COL26A1: variants seen among roughly 807,000 people sequenced by gnomAD.
COL26A1 encodes the protein collagen alpha-1(XXVI) chain.
A neutral mutation model predicts 59.3 loss-of-function variants in COL26A1; 41 were observed. The ratio of observed to expected loss-of-function variants is 0.69; its 90% confidence interval spans 0.54 to 0.90. COL26A1 has a LOEUF of 0.90. Ranked by LOEUF, COL26A1 falls within the 40% of genes least tolerant of loss-of-function variation. The pLI is 0.00. For synonymous variants in COL26A1, 266 were observed against 256.0 expected, an observed-to-expected ratio of 1.04 and a Z score of -0.37; for missense variants, 612 against 602.3, an observed-to-expected ratio of 1.02 and a Z score of -0.17.
rs188946242 is a variant in COL26A1, at chr7:101,402,228, G to A, written c.159-17749G>A. Among the ~76,000 whole-genome samples, 562 of 152,274 alleles carry A rather than the reference G, an allele frequency of 3.7e-3. 5 individuals are homozygous for A. The highest frequency in any genetic ancestry group is 0.013 in the African/African-American group (521 of 41,568). On this transcript the variant is annotated intron_variant, in intron 1 of 12. Coordinates refer to ENST00000313669, the MANE Select transcript of COL26A1 (RefSeq NM_001278563.3). Reference sequence around the variant, plus strand: ...AGACTCGCTGGGCTGTGATGTGATCGTGTCGGATGCCAAATTCCACAGTCA... The same window carrying A: ...AGACTCGCTGGGCTGTGATGTGATCATGTCGGATGCCAAATTCCACAGTCA...
chr7:101,362,792 TAACA>T, upstream of COL26A1: 1 of 521,086 alleles, frequency 1.9e-6, no homozygotes, highest in South Asian at 2.4e-5. Flanking sequence ...CGCCGAGGGT[TAACA>T]AAAAAGCCCC....
chr7:101,517,267 T>C (rs904471601), intron 3 of COL26A1, among the ~76,000 whole-genome samples: 2 of 152,200 alleles, frequency 1.3e-5, no homozygotes, highest in Non-Finnish European at 2.9e-5. Context: ...TGTTCCTCCG[T>C]TGGGTGTCTA....
intron 1 of COL26A1, among the ~76,000 whole-genome samples, chr7:101,366,607 C>G (rs935162061): frequency 1.3e-5 from 2 of 150,190 alleles, no homozygotes; most frequent in Admixed American, 6.7e-5. Flanking sequence ...TTCAAGCAAT[C>G]CTCCCACCTC....
At chr7:101,373,511 G>GTGAATGAATGAACACA (rs1791240258) in intron 1 of COL26A1, among the ~76,000 whole-genome samples, 1 of 128,282 alleles carries the variant, frequency 7.8e-6, no homozygotes, top group South Asian at 2.4e-4. Context: ...AGTTTGTTGA[G>GTGAATGAATGAACACA]TGAATGAATG....
At chr7:101,397,796 C>T (rs911734027) in intron 1 of COL26A1, among the ~76,000 whole-genome samples, 2 of 152,166 alleles carry the variant, frequency 1.3e-5, no homozygotes, top group Non-Finnish European at 2.9e-5. Context: ...CCTCAGCCCC[C>T]CAAGGTGCTG....
intron 1 of COL26A1, among the ~76,000 whole-genome samples, chr7:101,373,902 TG>T (rs1451727004): frequency 9.2e-5 from 14 of 152,168 alleles, no homozygotes; most frequent in Non-Finnish European, 1.8e-4. Context: ...ACAATTCCTA[TG>T]GCAATAAGAG....
intron 2 of COL26A1, among the ~76,000 whole-genome samples, chr7:101,422,372 GAAAAAA>G (rs3072484): frequency 8.2e-5 from 6 of 73,006 alleles, no homozygotes; most frequent in East Asian, 4.5e-4. Flanking sequence ...GGTCCAAAAT[GAAAAAA>G]AAAAAAAAAA....
chr7:101,402,580 A>C (rs1273793427), intron 1 of COL26A1, among the ~76,000 whole-genome samples: 4 of 131,782 alleles, frequency 3.0e-5, no homozygotes, highest in Admixed American at 7.6e-5. Context: ...TCTTTCCTTC[A>C]TTCTTTTTTC....
intron 1 of COL26A1, among the ~76,000 whole-genome samples, chr7:101,410,227 T>C (rs1199995592): frequency 6.6e-6 from 1 of 152,192 alleles, no homozygotes; most frequent in Non-Finnish European, 1.5e-5. Context: ...TGTTCGTTGG[T>C]TCATCAGTTC....
At chr7:101,501,493 C>T (rs1794706002) in intron 3 of COL26A1, among the ~76,000 whole-genome samples, 1 of 152,208 alleles carries the variant, frequency 6.6e-6, no homozygotes, top group Non-Finnish European at 1.5e-5. Context: ...TCTTCCCCTG[C>T]TTCTTCCATA....
intron 1 of COL26A1, among the ~76,000 whole-genome samples, chr7:101,373,703 G>A (rs760534106): frequency 1.3e-5 from 2 of 152,112 alleles, no homozygotes; most frequent in Non-Finnish European, 2.9e-5. Context: ...TAGAGGTCCC[G>A]CTTCTCCCTT....
intron 1 of COL26A1, among the ~76,000 whole-genome samples, chr7:101,402,519 A>C (rs935548066): frequency 2.6e-5 from 4 of 151,724 alleles, no homozygotes; most frequent in Non-Finnish European, 4.4e-5. Context: ...GGCTGTGAAA[A>C]TTCTATTTTC....
At chr7:101,466,837 T>A (rs7778056) in intron 3 of COL26A1, among the ~76,000 whole-genome samples, 11,725 of 122,456 alleles carry the variant, frequency 0.096, 859 homozygotes, top group African/African-American at 0.23. Context: ...TGTGTGTGTG[T>A]GAGAGAGAGA....
At chr7:101,420,734 G>GCCCCA (rs1792497916) in intron 2 of COL26A1, among the ~76,000 whole-genome samples, 1 of 12,644 alleles carries the variant, frequency 7.9e-5, no homozygotes, top group Non-Finnish European at 2.0e-4. Context: ...CACCAGCCCC[G>GCCCCA]CCCATAGTCA....
At chr7:101,530,718 T>C (rs1014365536) in intron 3 of COL26A1, among the ~76,000 whole-genome samples, 2 of 151,924 alleles carry the variant, frequency 1.3e-5, no homozygotes, top group Non-Finnish European at 2.9e-5. Context: ...GGGTCTTTCC[T>C]CTTTGGCAGG....
intron 1 of COL26A1, among the ~76,000 whole-genome samples, chr7:101,387,766 A>ATTTTTTTTTTTTT (rs1443633156): frequency 5.2e-5 from 2 of 38,742 alleles, no homozygotes; most frequent in African/African-American, 6.8e-5. Flanking sequence ...ATATATATAT[A>ATTTTTTTTTTTTT]TATATATATA....
intron 3 of COL26A1, among the ~76,000 whole-genome samples, chr7:101,516,056 G>A (rs1490437994): frequency 2.0e-5 from 3 of 152,204 alleles, no homozygotes; most frequent in Non-Finnish European, 2.9e-5. Context: ...AACTGAGGGG[G>A]AAGTAAGGAG....
chr7:101,458,027 G>A (rs1317132092), intron 3 of COL26A1, among the ~76,000 whole-genome samples: 1 of 151,524 alleles, frequency 6.6e-6, no homozygotes, highest in Non-Finnish European at 1.5e-5. Context: ...CTCCCAAGTA[G>A]CTGGGACTAC....
chr7:101,523,439 C>T (rs1158252206), intron 3 of COL26A1, among the ~76,000 whole-genome samples: 1 of 152,116 alleles, frequency 6.6e-6, no homozygotes, highest in Non-Finnish European at 1.5e-5. Context: ...TTGCATCCTG[C>T]TTAAGAACTC....
Sources: gnomAD v4.1 joint callset for allele counts (sites outside exome capture counted in the v4.1 genomes callset) on GRCh38, gnomAD v4.1.1 for gene constraint, MANE v1.5 for transcripts, NCBI Gene and HGNC (gene_info 2026-07-23, HGNC 2026-07-21) for gene names.